Variants in SYNDIG1 observed in about 807,000 individuals in gnomAD.
The protein encoded by SYNDIG1 is synapse differentiation inducing 1.
In SYNDIG1, 9 loss-of-function variants were observed where a neutral mutation model predicts 19.4. The observed-to-expected ratio is 0.46, with a 90% CI of 0.28 to 0.81. The LOEUF (loss-of-function observed/expected upper bound fraction) is 0.81, where lower values mean the gene tolerates loss of function less well. SYNDIG1 is among the 30% of genes least tolerant of loss of function. The pLI is 0.12. For synonymous variants in SYNDIG1, 141 were observed against 145.9 expected, an observed-to-expected ratio of 0.97 and a Z score of 0.24; for missense variants, 311 against 343.3, an observed-to-expected ratio of 0.91 and a Z score of 0.74.
chr20:24,543,251 C>T lies in SYNDIG1; in HGVS notation c.154C>T (p.Arg52Trp), dbSNP rs747872130. Reference protein sequence around the residue: ...VYPAPQYQSHRVGASTVPASL... With the variant: ...VYPAPQYQSHWVGASTVPASL... ...CCCAGCGCCCCAGTACCAGAGCCACCGGGTGGGGGCCAGCACAGTGCCGGC... is the reference window on the plus strand; with the variant it reads ...CCCAGCGCCCCAGTACCAGAGCCACTGGGTGGGGGCCAGCACAGTGCCGGC... Residue 52 changes from arginine to tryptophan, a missense_variant, in exon 2 of 4, where the codon CGG becomes TGG. By Grantham distance (101) the Arg-to-Trp change is moderately radical (BLOSUM62 -3). Transcript: ENST00000376862. The T allele has an allele frequency of 9.3e-6, 15 of 1,613,604 alleles. No individual in the cohort carries two copies. The highest frequency in any genetic ancestry group is 5.3e-5 in the African/African-American group (4 of 74,890).
intron 3 of SYNDIG1, among the ~76,000 whole-genome samples, chr20:24,603,802 G>A (rs551619216): frequency 1.3e-5 from 2 of 152,294 alleles, no homozygotes; most frequent in South Asian, 2.1e-4. Flanking sequence ...AGAGACATTC[G>A]TCAGGCACTG....
At chr20:24,475,992 C>T (rs946674604) in intron 1 of SYNDIG1, among the ~76,000 whole-genome samples, 1 of 152,014 alleles carries the variant, frequency 6.6e-6, no homozygotes, top group African/African-American at 2.4e-5. Context: ...TCCCAAGTAG[C>T]TGGGACTACA....
intron 3 of SYNDIG1, among the ~76,000 whole-genome samples, chr20:24,654,991 C>T (rs62215326): frequency 6.6e-6 from 1 of 152,188 alleles, no homozygotes; most frequent in Non-Finnish European, 1.5e-5. Context: ...GAGTCTGCCA[C>T]CCACGCATGA....
chr20:24,602,687 A>G (rs76604565), intron 3 of SYNDIG1, among the ~76,000 whole-genome samples: 128 of 152,174 alleles, frequency 8.4e-4, no homozygotes, highest in African/African-American at 2.8e-3. Context: ...ATAATCCCTC[A>G]TCTTCTTACC....
At chr20:24,656,729 TGCCAGCCCCGCA>T (rs1191101440) in intron 3 of SYNDIG1, among the ~76,000 whole-genome samples, 1 of 152,256 alleles carries the variant, frequency 6.6e-6, no homozygotes, top group Non-Finnish European at 1.5e-5. Context: ...ACTTGAGCAG[TGCCAGCCCCGCA>T]GCCCCCTCCC....
intron 3 of SYNDIG1, among the ~76,000 whole-genome samples, chr20:24,614,066 C>T (rs184719022): frequency 6.6e-6 from 1 of 152,354 alleles, no homozygotes; most frequent in Non-Finnish European, 1.5e-5. Context: ...ACTATCACGG[C>T]TCATAGCAGC....
chr20:24,470,610 ATGAGT>A (rs2055406664), intron 1 of SYNDIG1, among the ~76,000 whole-genome samples: 1 of 152,050 alleles, frequency 6.6e-6, no homozygotes, highest in Non-Finnish European at 1.5e-5. Flanking sequence ...GGCTCACTGG[ATGAGT>A]TGGGCACTTT....
intron 2 of SYNDIG1, among the ~76,000 whole-genome samples, chr20:24,547,730 T>C (rs574451456): frequency 1.4e-4 from 21 of 152,324 alleles, no homozygotes; most frequent in African/African-American, 4.8e-4. Context: ...TCTCTGGGAA[T>C]ACCAGCAGTG....
chr20:24,504,321 G>T (rs1045111047), intron 1 of SYNDIG1, among the ~76,000 whole-genome samples: 46 of 152,188 alleles, frequency 3.0e-4, no homozygotes, highest in African/African-American at 1.0e-3. Context: ...TTGTTTCACT[G>T]CAGTGTAGAT....
chr20:24,543,380 T>C lies in SYNDIG1; in HGVS notation c.283T>C (p.Ser95Pro), dbSNP rs1165006754. The C allele has an allele frequency of 6.2e-7, 1 of 1,613,468 alleles. No individual in the cohort carries two copies. The highest frequency in any genetic ancestry group is 8.5e-7 in the Non-Finnish European group (1 of 1,180,012). ...SRYRPNIILY[S>P]EGVLRSWGDG... ...CTACCGGCCCAACATCATCCTCTAT[T>C]CAGAGGGCGTGCTGCGCTCCTGGGG... The change falls in exon 2 of 4, where the codon TCA becomes CCA. Residue 95 changes from serine to proline, a missense_variant. Coordinates refer to ENST00000376862, the MANE Select transcript of SYNDIG1 (RefSeq NM_024893.3).
At chr20:24,583,966 C>G (rs73345304) in intron 2 of SYNDIG1, among the ~76,000 whole-genome samples, 1,759 of 152,196 alleles carry the variant, frequency 0.012, 21 homozygotes, top group African/African-American at 0.038. Context: ...AATCTGTGCA[C>G]CAAACCCCCA....
intron 1 of SYNDIG1, among the ~76,000 whole-genome samples, chr20:24,507,649 G>T (rs969144800): frequency 1.3e-5 from 2 of 152,102 alleles, no homozygotes; most frequent in Non-Finnish European, 2.9e-5. Flanking sequence ...GGCTGCTGAA[G>T]GTCTGTGGGT....
intron 2 of SYNDIG1, among the ~76,000 whole-genome samples, chr20:24,571,226 A>C (rs934515684): frequency 1.3e-5 from 2 of 152,186 alleles, no homozygotes; most frequent in Admixed American, 1.3e-4. Context: ...AATCCATAGA[A>C]CTACACACTG....
At chr20:24,617,045 C>T (rs2058946186) in intron 3 of SYNDIG1, among the ~76,000 whole-genome samples, 1 of 152,192 alleles carries the variant, frequency 6.6e-6, no homozygotes, top group Non-Finnish European at 1.5e-5. Context: ...CCCGTGCACT[C>T]TCAGGCCTCT....
chr20:24,628,261 C>A (rs2059188645), intron 3 of SYNDIG1, among the ~76,000 whole-genome samples: 1 of 152,220 alleles, frequency 6.6e-6, no homozygotes, highest in African/African-American at 2.4e-5. Flanking sequence ...TAAGTCGACA[C>A]TCTTCTGAAG....
intron 1 of SYNDIG1, among the ~76,000 whole-genome samples, chr20:24,540,968 G>T (rs1330151534): frequency 1.3e-5 from 2 of 152,236 alleles, no homozygotes; most frequent in East Asian, 3.9e-4. Flanking sequence ...AGAAGGACTG[G>T]TATTAGTTCT....
intron 2 of SYNDIG1, among the ~76,000 whole-genome samples, chr20:24,565,888 C>T (rs2058035081): frequency 6.6e-6 from 1 of 152,164 alleles, no homozygotes; most frequent in Admixed American, 6.5e-5. Context: ...CTTCACTTGG[C>T]TGGCTTCTTA....
chr20:24,634,257 T>C (rs1461895286), intron 3 of SYNDIG1, among the ~76,000 whole-genome samples: 1 of 152,258 alleles, frequency 6.6e-6, no homozygotes, highest in Non-Finnish European at 1.5e-5. Flanking sequence ...GGTATCTGCA[T>C]ATAAACACCA....
At position 24,639,590 on chromosome 20, in the gene SYNDIG1, C is replaced by T. The variant is rs115724932; in HGVS notation, c.619-25756C>T. ...TTGGAGAAATAAATTGAGTTGTCGG[C>T]GTGATGTTGACCAGGACAGAATGGC... On this transcript the variant is annotated intron_variant, in intron 3 of 3. Transcript: ENST00000376862. Among the ~76,000 whole-genome samples the T allele has an allele frequency of 7.9e-3, 1,205 of 152,182 alleles. 23 individuals are homozygous for T. The highest frequency in any genetic ancestry group is 0.027 in the African/African-American group (1,124 of 41,512).
Sources: gnomAD v4.1 joint callset for allele counts (sites outside exome capture counted in the v4.1 genomes callset) on GRCh38, gnomAD v4.1.1 for gene constraint, MANE v1.5 for transcripts, NCBI Gene and HGNC (gene_info 2026-07-23, HGNC 2026-07-21) for gene names.